Variants in EMSY observed in about 807,000 individuals in gnomAD.
EMSY encodes the protein EMSY transcriptional repressor, BRCA2 interacting.
A neutral mutation model predicts 134.6 loss-of-function variants in EMSY; 26 were observed. The observed-to-expected ratio is 0.19, with a 90% confidence interval of 0.14 to 0.27. The LOEUF (loss-of-function observed/expected upper bound fraction) is 0.27, where lower values mean the gene tolerates loss of function less well. EMSY is among the 10% of genes least tolerant of loss of function. The pLI, the probability that EMSY is intolerant of heterozygous loss-of-function variation, is 1.00. For synonymous variants in EMSY, 579 were observed against 577.8 expected, an observed-to-expected ratio of 1.00 and a Z score of -0.03; for missense variants, 1,305 against 1,611.4, an observed-to-expected ratio of 0.81 and a Z score of 3.26.
rs73495426 is a variant in EMSY at position 76,536,694 on chromosome 11, A to G, written c.2359+635A>G. Among the ~76,000 whole-genome samples, 759 of 152,310 alleles carry G rather than the reference A, an allele frequency of 5.0e-3. 4 individuals carry two copies. Among genetic ancestry groups the G allele is most frequent in the African/African-American group, 0.017 (721 of 41,554 alleles). On this transcript the variant is annotated intron_variant, in intron 15 of 20. Transcript: ENST00000334736. ...TGGAAGTTATACTGACTTTTCCTTT[A>G]TAATAGGTCAAAGATTTTCAGAGTA...
At chr11:76,447,896 AAAG>A (rs1947486247) in intron 2 of EMSY, among the ~76,000 whole-genome samples, 1 of 152,206 alleles carries the variant, frequency 6.6e-6, no homozygotes, top group East Asian at 1.9e-4. Context: ...ATAATTTGAA[AAAG>A]AAGATTAAAT....
rs1034138328 is a variant in EMSY at position 76,513,595 on chromosome 11, G to A, written c.1513+60G>A. The A allele has an allele frequency of 3.8e-6, 6 of 1,563,888 alleles. No individual in the cohort carries two copies. In the African/African-American group the frequency reaches 6.8e-5, roughly 18 times the overall value. On this transcript the variant is annotated intron_variant, in intron 10 of 20. Transcript: ENST00000334736. ...CATACATTCATCAAACAGTTTCTCT[G>A]TACCAGCAATATGCTTGACACTTGG...
exon 6 of EMSY, chr11:76,460,017 C>G: frequency 1.2e-6 from 2 of 1,614,214 alleles, no homozygotes; most frequent in Non-Finnish European, 1.7e-6. Flanking sequence ...ACGGTTAAGT[C>G]TCCAAGACCT....
intron 1 of EMSY, 22 bp from the exon 2 acceptor site, chr11:76,446,878 C>CT (rs367735381): frequency 0.047 from 49,842 of 1,068,316 alleles, 6 homozygotes; most frequent in South Asian, 0.051. Flanking sequence ...GGTAATTTGA[C>CT]TTTTTTTTTT....
intron 5 of EMSY, chr11:76,458,595 G>A (rs745377787): frequency 3.3e-5 from 12 of 359,020 alleles, no homozygotes; most frequent in African/African-American, 6.4e-5. Context: ...CAAAAACCTC[G>A]GAATAGATTT....
downstream of EMSY, chr11:76,551,804 G>C (rs954626218): frequency 2.6e-5 from 4 of 152,112 alleles, no homozygotes; most frequent in African/African-American, 9.7e-5. Flanking sequence ...GTTAGACTTT[G>C]CATACAATTT....
intron 2 of EMSY, among the ~76,000 whole-genome samples, chr11:76,447,657 A>G (rs1947474732): frequency 6.6e-6 from 1 of 152,244 alleles, no homozygotes; most frequent in South Asian, 2.1e-4. Context: ...CCTAATGCTA[A>G]GGTATCCATT....
chr11:76,481,654 A>G (rs1948987082), intron 8 of EMSY, among the ~76,000 whole-genome samples: 1 of 152,230 alleles, frequency 6.6e-6, no homozygotes, highest in African/African-American at 2.4e-5. Flanking sequence ...GGCGGAGCCC[A>G]CTGCAGCTCA....
At chr11:76,451,582 T>C (rs183303704) in intron 2 of EMSY, among the ~76,000 whole-genome samples, 1 of 152,222 alleles carries the variant, frequency 6.6e-6, no homozygotes, top group South Asian at 2.1e-4. Flanking sequence ...ATTTGTGTTA[T>C]ATGTTTTTTA....
chr11:76,549,807 AC>A, intron 20 of EMSY, 144 bp from the exon 22 acceptor site: 1 of 649,226 alleles, frequency 1.5e-6, no homozygotes, highest in Admixed American at 3.0e-5. Flanking sequence ...GTGTGAAAGC[AC>A]CTTGCACAGT....
intron 17 of EMSY, among the ~76,000 whole-genome samples, chr11:76,540,702 C>T (rs1469278745): frequency 6.6e-6 from 1 of 151,918 alleles, no homozygotes; most frequent in Non-Finnish European, 1.5e-5. Context: ...TAGTGATCAT[C>T]TTACTCTTGA....
intron 20 of EMSY, among the ~76,000 whole-genome samples, chr11:76,547,559 TTTC>T (rs1951698767): frequency 6.6e-6 from 1 of 152,210 alleles, no homozygotes; most frequent in South Asian, 2.1e-4. Context: ...TTGCCTTGGA[TTTC>T]TCATCAGTAA....
intron 17 of EMSY, 184 bp from the exon 19 acceptor site, chr11:76,542,032 G>A (rs755148949): frequency 1.5e-6 from 1 of 685,790 alleles, no homozygotes; most frequent in Non-Finnish European, 2.5e-6. Context: ...TCTCAGAGAA[G>A]ATAAGAGACT....
intron 9 of EMSY, among the ~76,000 whole-genome samples, chr11:76,505,477 A>G (rs1342102125): frequency 6.6e-6 from 1 of 151,766 alleles, no homozygotes; most frequent in Non-Finnish European, 1.5e-5. Flanking sequence ...AAAATATACA[A>G]TAGCGTGATA....
chr11:76,513,559 C>A (rs1950348927), intron 10 of EMSY, 24 bp downstream of exon 11: 1 of 1,608,950 alleles, frequency 6.2e-7, no homozygotes, highest in South Asian at 1.1e-5. Flanking sequence ...AGCATCAGTT[C>A]ATTTATTCAT....
intron 8 of EMSY, among the ~76,000 whole-genome samples, chr11:76,474,436 T>G (rs767787081): frequency 6.6e-6 from 1 of 152,182 alleles, no homozygotes; most frequent in Non-Finnish European, 1.5e-5. Context: ...AATATTCTAG[T>G]TTATGAACTA....
chr11:76,519,716 G>T (rs1010846758), intron 11 of EMSY, among the ~76,000 whole-genome samples: 1 of 152,094 alleles, frequency 6.6e-6, no homozygotes, highest in Non-Finnish European at 1.5e-5. Flanking sequence ...CAATAAATTT[G>T]TGTTCTTCTT....
chr11:76,457,627 G>T (rs989700947), intron 4 of EMSY, among the ~76,000 whole-genome samples: 1 of 152,148 alleles, frequency 6.6e-6, no homozygotes, highest in Admixed American at 6.5e-5. Flanking sequence ...GACACATACG[G>T]TTATATATAC....
chr11:76,485,868 A>G (rs1949156839), intron 8 of EMSY, among the ~76,000 whole-genome samples: 1 of 152,200 alleles, frequency 6.6e-6, no homozygotes, highest in Non-Finnish European at 1.5e-5. Context: ...CTAGAACCAG[A>G]AATACCATTT....
Sources: gnomAD v4.1 joint callset for allele counts (sites outside exome capture counted in the v4.1 genomes callset) on GRCh38, gnomAD v4.1.1 for gene constraint, MANE v1.5 for transcripts, NCBI Gene and HGNC (gene_info 2026-07-23, HGNC 2026-07-21) for gene names.